Variants in EFCAB3 observed in about 807,000 individuals in gnomAD.
EFCAB3 encodes EF-hand calcium-binding domain-containing protein 3.
In EFCAB3, 36 loss-of-function variants were observed where a neutral mutation model predicts 42.2. The ratio of observed to expected loss-of-function variants is 0.85; its 90% CI spans 0.65 to 1.13. The LOEUF (loss-of-function observed/expected upper bound fraction) is 1.13. Among genes scored for constraint, EFCAB3 ranks in the 50% most tolerant of loss-of-function variants. The pLI is 0.00. For synonymous variants in EFCAB3, 170 were observed against 172.8 expected (o/e 0.98, Z 0.13); for missense variants, 418 against 505.1 (o/e 0.83, Z 1.65).
chr17:62,388,358 A>G (rs1362874877), intron 3 of EFCAB3, among the ~76,000 whole-genome samples: 2 of 152,242 alleles, frequency 1.3e-5, no homozygotes, highest in Non-Finnish European at 2.9e-5. Flanking sequence ...GTCCCAGAGA[A>G]GGCTGAATGA....
intron 8 of EFCAB3, among the ~76,000 whole-genome samples, chr17:62,410,760 C>G (rs1480262647): frequency 6.6e-6 from 1 of 152,010 alleles, no homozygotes; most frequent in Non-Finnish European, 1.5e-5. Context: ...GGCAATAGAT[C>G]TCGGCCCTGA....
intron 2 of EFCAB3, chr17:62,373,911 C>T: frequency 2.0e-6 from 2 of 993,524 alleles, no homozygotes; most frequent in Non-Finnish European, 3.0e-6. Flanking sequence ...TAATCTGATG[C>T]TATATGTGTA....
Position 62,370,266 on chromosome 17 carries a change from G to A in EFCAB3, c.-23G>A, listed in dbSNP as rs971716644. The stretch of plus-strand genomic sequence containing the variant: ...CTTAGACAATTTCTAGCAAGCGAAG[G>A]GATTGAGCTCACAGAAGAAGAAATG... On this transcript the variant is annotated 5_prime_UTR_variant, in exon 1 of 12. Coordinates refer to the EFCAB3 transcript ENST00000450662. 6 of 1,551,570 alleles carry A rather than the reference G, an allele frequency of 3.9e-6. 1 individual carries two copies. Among genetic ancestry groups the A allele is most frequent in the Non-Finnish European group, 8.7e-7 (1 of 1,146,886 alleles).
At chr17:62,407,325 C>T in intron 8 of EFCAB3, 113 bp downstream of exon 8, 1 of 942,254 alleles carries the variant, frequency 1.1e-6, no homozygotes, top group Non-Finnish European at 1.5e-6. Context: ...ATTTTCAAAG[C>T]AGATGCCATA....
chr17:62,405,575 C>T (rs776518855), intron 6 of EFCAB3, among the ~76,000 whole-genome samples: 3 of 152,244 alleles, frequency 2.0e-5, no homozygotes, highest in Non-Finnish European at 4.4e-5. Flanking sequence ...CCTTCCACCT[C>T]AGCAGCAGTA....
At position 62,395,192 on chromosome 17, in the gene EFCAB3, A is replaced by G; in HGVS notation, c.488+4A>G. On this transcript the variant is annotated splice_donor_region_variant and intron_variant, in intron 6 of 9. Coordinates refer to ENST00000305286, the MANE Select transcript of EFCAB3 (RefSeq NM_173503.4). ...AGTCTATAATAGAAATAGTAAGGTA[A>G]GTGAGAAGGAAAGGAGCAAAAACAG... 1 of 1,611,718 alleles carries G rather than the reference A, an allele frequency of 6.2e-7. No individual in the cohort carries two copies. The highest frequency in any genetic ancestry group is 1.3e-5 in the African/African-American group (1 of 74,864).
chr17:62,373,393 A>T lies in EFCAB3; in HGVS notation c.35-421A>T, dbSNP rs139207850. On this transcript the variant is annotated intron_variant, in intron 1 of 11. Coordinates refer to the EFCAB3 transcript ENST00000450662. ...TTTGGGAGGCCAAGGCGTGAGGATC[A>T]CTTGAGGCCAAGAGTTCAAGACCAG... Among the ~76,000 whole-genome samples, 13 of 151,776 alleles carry T rather than the reference A, an allele frequency of 8.6e-5. No individual in the cohort carries two copies. The East Asian group carries it at 1.5e-3, about 18-fold the overall frequency.
At chr17:62,389,474 T>TA (rs1399075037) in intron 3 of EFCAB3, among the ~76,000 whole-genome samples, 1 of 152,236 alleles carries the variant, frequency 6.6e-6, no homozygotes, top group Non-Finnish European at 1.5e-5. Context: ...ATGTGTTCGT[T>TA]ACAGTGCTTA....
chr17:62,401,412 A>G (rs531720016), intron 6 of EFCAB3, among the ~76,000 whole-genome samples: 150 of 152,184 alleles, frequency 9.9e-4, no homozygotes, highest in Non-Finnish European at 1.6e-3. Flanking sequence ...TAGGGTTTTT[A>G]TGGTTTTAGG....
At chr17:62,411,537 G>T (rs1026238067) in intron 8 of EFCAB3, among the ~76,000 whole-genome samples, 1 of 152,192 alleles carries the variant, frequency 6.6e-6, no homozygotes, top group Non-Finnish European at 1.5e-5. Context: ...GGGAGGCCAA[G>T]GCAGGTGGAT....
chr17:62,376,230 T>G (rs2070149726), upstream of EFCAB3, among the ~76,000 whole-genome samples: 1 of 152,178 alleles, frequency 6.6e-6, no homozygotes, highest in Non-Finnish European at 1.5e-5. Flanking sequence ...CTCAGCACTT[T>G]GGGAGACCGA....
At chr17:62,410,180 T>G (rs2070482899) in intron 8 of EFCAB3, among the ~76,000 whole-genome samples, 1 of 151,526 alleles carries the variant, frequency 6.6e-6, no homozygotes, top group African/African-American at 2.4e-5. Context: ...GCCTGGGCAA[T>G]AAGAGCAAAA....
At chr17:62,393,978 G>A (rs1184492810) in intron 5 of EFCAB3, among the ~76,000 whole-genome samples, 8 of 150,338 alleles carry the variant, frequency 5.3e-5, no homozygotes, top group South Asian at 2.1e-4. Flanking sequence ...TTTTTGAGAC[G>A]GAGTCTTGCT....
chr17:62,400,990 T>G lies in EFCAB3; in HGVS notation c.489-5490T>G, dbSNP rs575513234. ...TTAATGATTGCCATTCTAACTGGTG[T>G]GAGATGGTATCTCATTGTGGTTTTG... On this transcript the variant is annotated intron_variant, in intron 6 of 9. Transcript: ENST00000305286. 2.6e-5 allele frequency among the ~76,000 whole-genome samples: 4 copies of G among 152,338 alleles called. No homozygotes were observed. In the East Asian group the frequency reaches 5.8e-4, roughly 22 times the overall value.
intron 6 of EFCAB3, among the ~76,000 whole-genome samples, chr17:62,402,106 A>G (rs1281025872): frequency 1.3e-5 from 2 of 152,206 alleles, no homozygotes; most frequent in Non-Finnish European, 2.9e-5. Context: ...TTATCGGTGT[A>G]TAGGAATGCT....
chr17:62,375,337 T>G (rs530032873), intron 2 of EFCAB3, among the ~76,000 whole-genome samples: 37 of 152,262 alleles, frequency 2.4e-4, no homozygotes, highest in Non-Finnish European at 2.8e-4. Context: ...GCCAGAAAAC[T>G]TTCAGGAATG....
chr17:62,390,828 T>G (rs1035432905), intron 3 of EFCAB3, among the ~76,000 whole-genome samples: 1 of 152,236 alleles, frequency 6.6e-6, no homozygotes, highest in Non-Finnish European at 1.5e-5. Context: ...ACGCTGAGAC[T>G]TGAATGTGAT....
chr17:62,401,631 C>A (rs1241343321), intron 6 of EFCAB3, among the ~76,000 whole-genome samples: 1 of 152,158 alleles, frequency 6.6e-6, no homozygotes, highest in African/African-American at 2.4e-5. Flanking sequence ...GGACTCTGTT[C>A]TGTTCCATTT....
chr17:62,409,814 A>G, intron 8 of EFCAB3, among the ~76,000 whole-genome samples: 1 of 152,084 alleles, frequency 6.6e-6, no homozygotes, highest in Non-Finnish European at 1.5e-5. Flanking sequence ...ATAATATACT[A>G]CATTTAATGC....
Sources: gnomAD v4.1 joint callset for allele counts (sites outside exome capture counted in the v4.1 genomes callset) on GRCh38, gnomAD v4.1.1 for gene constraint, MANE v1.5 for transcripts, NCBI Gene and HGNC (gene_info 2026-07-23, HGNC 2026-07-21) for gene names.